Variants in SFRP1 observed in about 807,000 individuals in gnomAD.
SFRP1 encodes secreted frizzled related protein 1, also known as secreted frizzled-related protein 1.
In SFRP1, 9 loss-of-function variants were observed where a neutral mutation model predicts 25.9. That is an observed-to-expected ratio of 0.35 (90% CI 0.21 to 0.61). SFRP1 has a LOEUF of 0.61. Among genes scored for constraint, SFRP1 ranks in the 20% least tolerant of loss-of-function variants. The pLI, the probability that SFRP1 is intolerant of heterozygous loss-of-function variation, is 0.78. For synonymous variants in SFRP1, 178 were observed against 174.0 expected (o/e 1.02, Z -0.18); for missense variants, 346 against 418.2 (o/e 0.83, Z 1.51).
chr8:41,285,124 G>A (rs749485067), intron 2 of SFRP1, among the ~76,000 whole-genome samples: 2 of 152,188 alleles, frequency 1.3e-5, no homozygotes, highest in African/African-American at 2.4e-5. Flanking sequence ...TAACAAACAC[G>A]AACTTCACAT....
At chr8:41,302,642 G>C (rs1414943128) in intron 2 of SFRP1, among the ~76,000 whole-genome samples, 2 of 152,196 alleles carry the variant, frequency 1.3e-5, no homozygotes, top group Non-Finnish European at 2.9e-5. Context: ...GCGAGAGAGA[G>C]GGAGCTGGCC....
At chr8:41,267,292 T>A (rs974150007) in intron 2 of SFRP1, among the ~76,000 whole-genome samples, 5 of 152,184 alleles carry the variant, frequency 3.3e-5, no homozygotes, top group Non-Finnish European at 7.3e-5. Flanking sequence ...GTGAGCCACA[T>A]CCTGTAGCAA....
chr8:41,288,690 G>A (rs1803739463), intron 2 of SFRP1, among the ~76,000 whole-genome samples: 1 of 152,064 alleles, frequency 6.6e-6, no homozygotes, highest in Non-Finnish European at 1.5e-5. Flanking sequence ...TCCAAGCATT[G>A]CCCTTGGCCA....
At chr8:41,276,924 T>C (rs1278923792) in intron 2 of SFRP1, 1 of 456,368 alleles carries the variant, frequency 2.2e-6, no homozygotes, top group African/African-American at 2.0e-5. Context: ...CATGTACACA[T>C]GCACACACAC....
chr8:41,302,218 T>A (rs1259750666), intron 2 of SFRP1, among the ~76,000 whole-genome samples: 5 of 152,236 alleles, frequency 3.3e-5, no homozygotes, highest in African/African-American at 1.2e-4. Flanking sequence ...ACATCAATCT[T>A]CCCCATGCAT....
intron 2 of SFRP1, among the ~76,000 whole-genome samples, chr8:41,280,602 C>T (rs1450712216): frequency 2.0e-5 from 3 of 152,162 alleles, no homozygotes; most frequent in South Asian, 4.1e-4. Context: ...AGGGAGCAAG[C>T]GGCAATAAAA....
chr8:41,293,798 T>G (rs1803807375), intron 2 of SFRP1, among the ~76,000 whole-genome samples: 1 of 152,164 alleles, frequency 6.6e-6, no homozygotes, highest in Non-Finnish European at 1.5e-5. Context: ...AGACAAGGTC[T>G]TGCCCTGTCT....
chr8:41,302,761 C>T (rs569594708), intron 2 of SFRP1, among the ~76,000 whole-genome samples: 1 of 152,104 alleles, frequency 6.6e-6, no homozygotes, highest in Non-Finnish European at 1.5e-5. Flanking sequence ...CCCTGGAAGG[C>T]CCCAAGGCCC....
Position 41,308,658 on chromosome 8 carries a change from C to T in SFRP1, c.502G>A (p.Ala168Thr). Reference protein sequence around the residue: ...DKFPEGDVCIAMTPPNATEAS... With the variant: ...DKFPEGDVCITMTPPNATEAS... ...TCGGTGGCATTGGGCGGCGTCATGG[C>T]GATGCAGACGTCCCCCTCGGGGAAC... Residue 168 changes from alanine (A) to threonine (T), a missense_variant, in exon 1 of 3, where the codon GCC (alanine) becomes ACC (threonine). By Grantham distance (58) the Ala-to-Thr change is moderately conservative. Transcript: ENST00000220772. 1.2e-6 allele frequency: 2 copies of T among 1,609,312 alleles called. 1 individual carries two copies. The highest frequency in any genetic ancestry group is 2.2e-5 in the South Asian group (2 of 90,534).
chr8:41,279,076 C>T (rs1428212530), intron 2 of SFRP1, among the ~76,000 whole-genome samples: 3 of 152,078 alleles, frequency 2.0e-5, no homozygotes, highest in African/African-American at 7.2e-5. Flanking sequence ...ATGAGAATGA[C>T]CCACGAGTGT....
At chr8:41,270,775 A>G (rs1048415274) in intron 2 of SFRP1, among the ~76,000 whole-genome samples, 1 of 149,810 alleles carries the variant, frequency 6.7e-6, no homozygotes, top group Non-Finnish European at 1.5e-5. Flanking sequence ...GTGAGCCGAG[A>G]GCGCACACTG....
At chr8:41,285,550 TA>T (rs10706948) in intron 2 of SFRP1, among the ~76,000 whole-genome samples, 75,856 of 152,040 alleles carry the variant, frequency 0.5, 19,958 homozygotes, top group African/African-American at 0.68. Flanking sequence ...AGTCGTTTCC[TA>T]AAAAGAAATG....
At chr8:41,267,929 A>G (rs1803456556) in intron 2 of SFRP1, among the ~76,000 whole-genome samples, 1 of 152,228 alleles carries the variant, frequency 6.6e-6, no homozygotes, top group East Asian at 1.9e-4. Flanking sequence ...TTTCACCTAC[A>G]TTTCAAAATG....
At position 41,309,221 on chromosome 8, in the gene SFRP1, T is replaced by A; in HGVS notation, c.-62A>T. 7.9e-7 allele frequency: 1 copy of A among 1,263,716 alleles called. No homozygotes were observed. The highest frequency in any genetic ancestry group is 3.3e-5 in the East Asian group (1 of 30,626). The allele number at this position is 1,263,716 out of a possible 1,614,324, so 78.3% of individuals were successfully genotyped here. Reference sequence around the variant, plus strand: ...TGCCTCCGCCGCCTCCCCGCGCGCGTCCTGCCGCAAACTTCCAGGGACCTC... The same window carrying A: ...TGCCTCCGCCGCCTCCCCGCGCGCGACCTGCCGCAAACTTCCAGGGACCTC... On this transcript the variant is annotated 5_prime_UTR_variant, in exon 1 of 3. Coordinates refer to ENST00000220772, the MANE Select transcript of SFRP1 (RefSeq NM_003012.5).
chr8:41,288,341 A>G (rs1803733097), intron 2 of SFRP1, among the ~76,000 whole-genome samples: 1 of 151,986 alleles, frequency 6.6e-6, no homozygotes, highest in Non-Finnish European at 1.5e-5. Context: ...TGGATGACAG[A>G]GACTCCATCT....
intron 2 of SFRP1, among the ~76,000 whole-genome samples, chr8:41,273,336 A>C (rs1803534253): frequency 6.6e-6 from 1 of 152,104 alleles, no homozygotes; most frequent in South Asian, 2.1e-4. Context: ...CTAAAAATAC[A>C]AACACTTAGC....
rs187675733 is a variant in SFRP1, at chr8:41,275,745, G to A, written c.623-10256C>T. Reference sequence around the variant, plus strand: ...TCTAGATTTCCTGACCTCGTGATCCGAGACTGGCAAACTCTTTAAGAGACA... The same window carrying A: ...TCTAGATTTCCTGACCTCGTGATCCAAGACTGGCAAACTCTTTAAGAGACA... On this transcript the variant is annotated intron_variant, in intron 2 of 2. Coordinates refer to ENST00000220772, the MANE Select transcript of SFRP1 (RefSeq NM_003012.5). Among the ~76,000 whole-genome samples the A allele has an allele frequency of 1.7e-4, 25 of 150,884 alleles. 2 individuals are homozygous for A. The South Asian group carries it at 1.9e-3, about 11-fold the overall frequency.
intron 2 of SFRP1, among the ~76,000 whole-genome samples, chr8:41,271,798 C>A (rs1259728883): frequency 6.6e-6 from 1 of 151,516 alleles, no homozygotes; most frequent in Non-Finnish European, 1.5e-5. Flanking sequence ...GACCCCATCT[C>A]TACCAAAAAA....
At chr8:41,276,493 C>CCAAT (rs1425317694) in intron 2 of SFRP1, among the ~76,000 whole-genome samples, 1 of 152,186 alleles carries the variant, frequency 6.6e-6, no homozygotes, top group Non-Finnish European at 1.5e-5. Context: ...CCAGCAGGAG[C>CCAAT]CAATGTCTGG....
Sources: gnomAD v4.1 joint callset for allele counts (sites outside exome capture counted in the v4.1 genomes callset) on GRCh38, gnomAD v4.1.1 for gene constraint, MANE v1.5 for transcripts, NCBI Gene and HGNC (gene_info 2026-07-23, HGNC 2026-07-21) for gene names.